The following DST variants were observed in gnomAD, a reference collection of about 807,000 sequenced individuals.
The protein encoded by DST is dystonin.
Under a neutral mutation model 875.2 loss-of-function variants are expected in DST, and 253 were observed. That is an observed-to-expected ratio of 0.29 (90% CI 0.26 to 0.32). DST has a LOEUF of 0.32. Among genes scored for constraint, DST ranks in the 10% least tolerant of loss-of-function variants. The pLI, the probability that DST is intolerant of heterozygous loss-of-function variation, is 1.00. For synonymous variants in DST, 3,124 were observed against 3,197.1 expected, an observed-to-expected ratio of 0.98 and a Z score of 0.77; for missense variants, 8,287 against 9,111.6, an observed-to-expected ratio of 0.91 and a Z score of 3.68.
chr6:56,809,213 TTC>T (rs1329595123), intron 4 of DST, among the ~76,000 whole-genome samples: 6 of 152,154 alleles, frequency 3.9e-5, no homozygotes, highest in Admixed American at 3.9e-4. Context: ...CCCAAATTCT[TTC>T]TCTGTCTCCC....
At chr6:56,825,597 T>C (rs941949695) in intron 4 of DST, among the ~76,000 whole-genome samples, 2 of 152,048 alleles carry the variant, frequency 1.3e-5, no homozygotes, top group African/African-American at 4.8e-5. Context: ...TAAACAAATA[T>C]GCAACTTGCT....
intron 9 of DST, among the ~76,000 whole-genome samples, chr6:56,677,332 A>C (rs2099136019): frequency 6.6e-6 from 1 of 151,832 alleles, no homozygotes; most frequent in South Asian, 2.1e-4. Flanking sequence ...CTATCCATCT[A>C]TCTGAGATGG....
intron 2 of DST, among the ~76,000 whole-genome samples, chr6:56,941,205 T>C (rs1490641526): frequency 6.6e-6 from 1 of 152,214 alleles, no homozygotes; most frequent in African/African-American, 2.4e-5. Flanking sequence ...CTCTGAGCAC[T>C]GCTTTGGCTG....
intron 80 of DST, 140 bp downstream of exon 80, chr6:56,500,940 C>A: frequency 9.0e-6 from 7 of 777,240 alleles, no homozygotes; most frequent in Admixed American, 3.5e-5. Flanking sequence ...AGTAGTTAAC[C>A]TTTAGTTATA....
At position 56,619,221 on chromosome 6, in the gene DST, G is replaced by T. The variant is rs763346797; in HGVS notation, c.4930-4737C>A. 1 of 1,613,612 alleles carries T rather than the reference G, an allele frequency of 6.2e-7. No homozygotes were observed. The highest frequency in any genetic ancestry group is 1.3e-5 in the African/African-American group (1 of 74,912). On this transcript the variant is annotated intron_variant, in intron 36 of 103. Transcript: ENST00000680361. The stretch of plus-strand genomic sequence containing the variant: ...GCTTCACATCTTTGCTGGATAGTTT[G>T]TTTCTCTAAAACTATATTCTCTGAT...
intron 7 of DST, among the ~76,000 whole-genome samples, chr6:56,703,170 C>T (rs1405250024): frequency 6.6e-6 from 1 of 152,074 alleles, no homozygotes; most frequent in African/African-American, 2.4e-5. Context: ...AAAACATGTC[C>T]ATCAAATACC....
chr6:56,708,140 A>G (rs538114427), intron 5 of DST, among the ~76,000 whole-genome samples: 1 of 152,354 alleles, frequency 6.6e-6, no homozygotes, highest in Admixed American at 6.5e-5. Context: ...AAGACATTTT[A>G]GTCCTGCTTC....
At chr6:56,749,924 C>G (rs1051402476) in intron 4 of DST, among the ~76,000 whole-genome samples, 1 of 152,144 alleles carries the variant, frequency 6.6e-6, no homozygotes, top group South Asian at 2.1e-4. Context: ...ACAGGATCAC[C>G]ATGCATGCCC....
At chr6:56,856,960 T>C (rs1768187687) in intron 3 of DST, among the ~76,000 whole-genome samples, 1 of 152,012 alleles carries the variant, frequency 6.6e-6, no homozygotes, top group Non-Finnish European at 1.5e-5. Context: ...TCTTTCAACT[T>C]TTCTATAAAT....
intron 3 of DST, among the ~76,000 whole-genome samples, chr6:56,892,807 C>T (rs1316074508): frequency 1.3e-5 from 2 of 152,158 alleles, no homozygotes; most frequent in Non-Finnish European, 2.9e-5. Context: ...AGTATTCACT[C>T]AGATGCCAAA....
rs765492820 is a variant in DST, at chr6:56,605,256, T to C, written c.9372A>G (p.Gln3124=). 34 of 1,610,842 alleles carry C rather than the reference T, an allele frequency of 2.1e-5. No homozygotes were observed. The highest frequency in any genetic ancestry group is 2.8e-5 in the Non-Finnish European group (33 of 1,178,154). ...GAACAGGACTTTTACTAACTATTATTTGTAGATTATTTGGTTCATCTTTAA... is the reference window on the plus strand; with the variant it reads ...GAACAGGACTTTTACTAACTATTATCTGTAGATTATTTGGTTCATCTTTAA... ...VTLKDEPNNL[Q]IIVSKSPVQF... The change falls in exon 40 of 104, where the codon CAA becomes CAG. Residue 3124 remains glutamine (Q), a synonymous_variant. Transcript: ENST00000680361.
chr6:56,888,357 T>A (rs1427965666), intron 3 of DST, among the ~76,000 whole-genome samples: 2 of 152,232 alleles, frequency 1.3e-5, no homozygotes, highest in Non-Finnish European at 2.9e-5. Context: ...AAAAAAATTC[T>A]TTTCAGATAA....
At chr6:56,685,207 A>G (rs2099175997) in intron 9 of DST, among the ~76,000 whole-genome samples, 1 of 152,174 alleles carries the variant, frequency 6.6e-6, no homozygotes, top group African/African-American at 2.4e-5. Context: ...CAGACAACCT[A>G]CTTTTAACCT....
chr6:56,703,823 G>T, intron 6 of DST, 77 bp from the exon 7 acceptor site: 2 of 349,504 alleles, frequency 5.7e-6, no homozygotes, highest in Non-Finnish European at 7.8e-6. Flanking sequence ...AGCATGAACA[G>T]AACATAATGA....
intron 2 of DST, among the ~76,000 whole-genome samples, chr6:56,941,127 G>T (rs1395321526): frequency 6.6e-6 from 1 of 152,094 alleles, no homozygotes; most frequent in Non-Finnish European, 1.5e-5. Flanking sequence ...TCTCAAGGTT[G>T]AAGCTTTGTT....
intron 9 of DST, among the ~76,000 whole-genome samples, chr6:56,698,328 AATTT>A (rs530429780): frequency 4.6e-5 from 7 of 151,240 alleles, no homozygotes; most frequent in Non-Finnish European, 1.0e-4. Context: ...AAAAAAAAAA[AATTT>A]TTTTTTTTTT....
At chr6:56,865,955 A>C (rs974695585) in intron 3 of DST, among the ~76,000 whole-genome samples, 3 of 151,722 alleles carry the variant, frequency 2.0e-5, no homozygotes, top group Non-Finnish European at 4.4e-5. Flanking sequence ...GCATTCAATA[A>C]ATTAGAGCTA....
At chr6:56,947,248 CTCT>C (rs1820020420) in intron 2 of DST, among the ~76,000 whole-genome samples, 1 of 68,264 alleles carries the variant, frequency 1.5e-5, no homozygotes, top group East Asian at 6.5e-4. Flanking sequence ...TTGCTACTCT[CTCT>C]TTTTTTTTTT....
At chr6:56,690,806 A>T (rs1293474402) in intron 9 of DST, among the ~76,000 whole-genome samples, 2 of 152,240 alleles carry the variant, frequency 1.3e-5, no homozygotes, top group Admixed American at 6.5e-5. Context: ...CCAACCAAAG[A>T]TAATTAAGAA....
Sources: gnomAD v4.1 joint callset for allele counts (sites outside exome capture counted in the v4.1 genomes callset) on GRCh38, gnomAD v4.1.1 for gene constraint, MANE v1.5 for transcripts, NCBI Gene and HGNC (gene_info 2026-07-23, HGNC 2026-07-21) for gene names.